Variants in ZNF786 observed in about 807,000 individuals in gnomAD.
ZNF786 encodes zinc finger protein 786.
In ZNF786, 56 loss-of-function variants were observed where a neutral mutation model predicts 63.1. The ratio of observed to expected loss-of-function variants is 0.89; its 90% CI spans 0.72 to 1.11. The LOEUF (loss-of-function observed/expected upper bound fraction) is 1.11, where lower values mean the gene tolerates loss of function less well. Ranked by LOEUF, ZNF786 falls within the 50% of genes least tolerant of loss-of-function variation. The pLI is 0.00. For synonymous variants in ZNF786, 485 were observed against 406.9 expected (o/e 1.19, Z -2.31); for missense variants, 1,213 against 1,041.8 (o/e 1.16, Z -2.26).
Position 149,072,095 on chromosome 7 carries a change from T to TCCTAATAA in ZNF786, c.676_677insTTATTAGG (p.Glu226ValfsTer59), listed in dbSNP as rs1216394535. ...AGGGCTGCTCCACGGCATCTGCGTC[T>TCCTAATAA]CCGCCCTCTTGTTGAATTTCTCCCA... On this transcript the variant is annotated frameshift_variant, in exon 4 of 4. Coordinates refer to ENST00000491431, the MANE Select transcript of ZNF786 (RefSeq NM_152411.4). LOFTEE classifies it high-confidence loss of function. The TCCTAATAA allele has an allele frequency of 6.2e-7, 1 of 1,613,198 alleles. No individual in the cohort carries two copies. Among genetic ancestry groups the TCCTAATAA allele is most frequent in the Non-Finnish European group, 8.5e-7 (1 of 1,179,680 alleles).
chr7:149,081,071 G>T, intron 1 of ZNF786: 2 of 455,428 alleles, frequency 4.4e-6, no homozygotes, highest in Admixed American at 2.5e-5. Context: ...CATTTTTTTG[G>T]TAAAGTCGCA....
chr7:149,080,651 A>G lies in ZNF786; in HGVS notation c.85T>C (p.Trp29Arg). 6.2e-7 allele frequency: 1 copy of G among 1,613,012 alleles called. No homozygotes were observed. The change falls in exon 2 of 4, where the codon TGG becomes CGG. Residue 29 changes from tryptophan (W) to arginine (R), a missense_variant. By Grantham distance (101) the Trp-to-Arg change is moderately radical (BLOSUM62 -3). Coordinates refer to ENST00000491431, the MANE Select transcript of ZNF786 (RefSeq NM_152411.4). The stretch of plus-strand genomic sequence containing the variant: ...ACATGCTTGTAAAGTTCCTTCTGCC[A>G]TGCCTCTAGATCCTGCCATTCTTGC... Reference protein sequence around the residue: ...SEQEWQDLEAWQKELYKHVMR... With the variant: ...SEQEWQDLEARQKELYKHVMR...
chr7:149,080,623 A>T lies in ZNF786; in HGVS notation c.113T>A (p.Met38Lys). Residue 38 changes from methionine to lysine, a missense_variant, in exon 2 of 4, where the codon ATG (methionine) becomes AAG (lysine). Coordinates refer to ENST00000491431, the MANE Select transcript of ZNF786 (RefSeq NM_152411.4). ...AWQKELYKHV[M>K]RSNYETLVSL... ...GACGAGAGTCTCATAATTGCTTCTC[A>T]TCACATGCTTGTAAAGTTCCTTCTG... The T allele has an allele frequency of 6.2e-7, 1 of 1,612,194 alleles. No homozygotes were observed. The highest frequency in any genetic ancestry group is 1.7e-5 in the Admixed American group (1 of 59,414).
rs1374762090 is a variant in ZNF786, at chr7:149,069,658, T to C, written c.*765A>G. The stretch of plus-strand genomic sequence containing the variant: ...TTTTTTTTGAGACAGTGTCATACTA[T>C]GTCATCCATACTGGAGTGCAGTGGC... On this transcript the variant is annotated 3_prime_UTR_variant, in exon 4 of 4. Coordinates refer to ENST00000491431, the MANE Select transcript of ZNF786 (RefSeq NM_152411.4). 1 of 143,134 alleles carries C rather than the reference T, an allele frequency of 7.0e-6. No individual in the cohort carries two copies. The highest frequency in any genetic ancestry group is 2.6e-5 in the African/African-American group (1 of 38,374). The allele number at this position is 143,134 out of a possible 1,614,324, so 8.9% of individuals were successfully genotyped here.
At position 149,071,768 on chromosome 7, in the gene ZNF786, C is replaced by G; in HGVS notation, c.1004G>C (p.Ser335Thr). The change falls in exon 4 of 4, where the codon AGT becomes ACT. Residue 335 changes from serine (S) to threonine (T), a missense_variant. Coordinates refer to ENST00000491431, the MANE Select transcript of ZNF786 (RefSeq NM_152411.4). ...GCCTGGTTTCTGTCCCGAGTGCACA[C>G]TGCTGGAGGCCCCGCGGCCTTCTCT... ...SWREGRGASS[S>T]VHSGQKPGSR... is the part of the protein sequence containing the mutation. 1 of 1,583,594 alleles carries G rather than the reference C, an allele frequency of 6.3e-7. No homozygotes were observed. The highest frequency in any genetic ancestry group is 8.5e-7 in the Non-Finnish European group (1 of 1,170,558).
Position 149,072,290 on chromosome 7 carries a change from AGG to A in ZNF786, c.480_481del (p.Leu161LysfsTer55). Reference sequence around the variant, plus strand: ...TCTGGGACCTGGGATTCCTTCTTTTAGGGTAGATTCACTGGGGCCGCAGGCTA... The same window carrying A: ...TCTGGGACCTGGGATTCCTTCTTTTAGTAGATTCACTGGGGCCGCAGGCTA... On this transcript the variant is annotated frameshift_variant, in exon 4 of 4. Transcript: ENST00000491431. LOFTEE classifies it high-confidence loss of function. The A allele has an allele frequency of 6.2e-7, 1 of 1,613,614 alleles. No individual in the cohort carries two copies. The highest frequency in any genetic ancestry group is 8.5e-7 in the Non-Finnish European group (1 of 1,179,778).
Position 149,071,037 on chromosome 7 carries a change from T to G in ZNF786, c.1735A>C (p.Lys579Gln). The G allele has an allele frequency of 6.2e-7, 1 of 1,612,124 alleles. No homozygotes were observed. Among genetic ancestry groups the G allele is most frequent in the Non-Finnish European group, 8.5e-7 (1 of 1,179,736 alleles). The change falls in exon 4 of 4, where the codon AAG becomes CAG. Residue 579 changes from lysine (K) to glutamine (Q), a missense_variant. Physicochemically the swap from Lys to Gln is moderately conservative, Grantham distance 53 (BLOSUM62 1). Coordinates refer to ENST00000491431, the MANE Select transcript of ZNF786 (RefSeq NM_152411.4). ...ECGKGFTRQS[K>Q]LTEHLRVHSG... ...TGCACGCGCAAGTGCTCCGTGAGCTTGGATTGTCTGGTGAAGCCCTTGCCA... is the reference window on the plus strand; with the variant it reads ...TGCACGCGCAAGTGCTCCGTGAGCTGGGATTGTCTGGTGAAGCCCTTGCCA...
chr7:149,075,001 C>T (rs891769185), intron 2 of ZNF786, among the ~76,000 whole-genome samples: 2 of 151,682 alleles, frequency 1.3e-5, no homozygotes, highest in African/African-American at 2.4e-5. Flanking sequence ...AGCTAATTTT[C>T]GCATTTTTAG....
In ZNF786 at chr7:149,072,106, G is replaced by A. The variant is rs1380435864; in HGVS notation, c.666C>T (p.Asn222=). 1.2e-6 allele frequency: 2 copies of A among 1,613,120 alleles called. No individual in the cohort carries two copies. The highest frequency in any genetic ancestry group is 1.7e-5 in the Admixed American group (1 of 59,860). Residue 222 remains asparagine (N), a synonymous_variant, in exon 4 of 4, where the codon AAC becomes AAT. Transcript: ENST00000491431. ...ACGGCATCTGCGTCTCCGCCCTCTT[G>A]TTGAATTTCTCCCAGGCCCTACGTG... ...DRTRRAWEKF[N]KRAETQMPWS... is the part of the protein sequence containing the mutation.
At chr7:149,081,988 A>C (rs1190745160) in intron 1 of ZNF786, among the ~76,000 whole-genome samples, 1 of 152,196 alleles carries the variant, frequency 6.6e-6, no homozygotes, top group South Asian at 2.1e-4. Context: ...TCAAGAACTC[A>C]GTACCTTTTA....
chr7:149,082,565 T>C, intron 1 of ZNF786: 1 of 877,468 alleles, frequency 1.1e-6, no homozygotes, highest in Non-Finnish European at 1.4e-6. Context: ...GGTATTAAAG[T>C]TTATCTTGTT....
intron 1 of ZNF786, among the ~76,000 whole-genome samples, chr7:149,089,581 T>G (rs1825796963): frequency 6.6e-6 from 1 of 152,096 alleles, no homozygotes; most frequent in African/African-American, 2.4e-5. Flanking sequence ...CCTCTCAAAG[T>G]GCTGGGATTA....
chr7:149,082,139 A>C (rs1334001862), intron 1 of ZNF786, among the ~76,000 whole-genome samples: 1 of 152,032 alleles, frequency 6.6e-6, no homozygotes, highest in Non-Finnish European at 1.5e-5. Context: ...ATGGGGGCGG[A>C]CTTCCTCCTT....
intron 1 of ZNF786, among the ~76,000 whole-genome samples, chr7:149,085,149 A>G (rs1448023440): frequency 6.6e-6 from 1 of 152,084 alleles, no homozygotes; most frequent in Non-Finnish European, 1.5e-5. Flanking sequence ...CCATTGGTCT[A>G]TATGTCTGTT....
chr7:149,090,506 T>TG lies in ZNF786; in HGVS notation c.18+116_18+117insC. The TG allele has an allele frequency of 2.5e-6, 3 of 1,184,370 alleles. No homozygotes were observed. In the South Asian group the frequency reaches 7.3e-5, roughly 29 times the overall value. The allele number at this position is 1,184,370 out of a possible 1,614,324, so 73.4% of individuals were successfully genotyped here. A position where few individuals can be genotyped will look rare whatever the true frequency, so the allele number is the denominator to read the frequency against. On this transcript the variant is annotated intron_variant, in intron 1 of 3. Coordinates refer to ENST00000491431, the MANE Select transcript of ZNF786 (RefSeq NM_152411.4). ...TCCCCAGCAGAAGCAGCCTGCAGAC[T>TG]CCGTCCTACCCGTGCACCGCGCGCA... is the stretch of plus-strand genomic sequence containing the variant.
chr7:149,076,201 G>A (rs1825545823), intron 2 of ZNF786, among the ~76,000 whole-genome samples: 1 of 151,720 alleles, frequency 6.6e-6, no homozygotes, highest in South Asian at 2.1e-4. Context: ...CGCAGCCTCC[G>A]CCTCCCAGGT....
At position 149,071,655 on chromosome 7, in the gene ZNF786, C is replaced by G. The variant is rs1272635307; in HGVS notation, c.1117G>C (p.Glu373Gln). 12 of 1,570,296 alleles carry G rather than the reference C, an allele frequency of 7.6e-6. No individual in the cohort carries two copies. Among genetic ancestry groups the G allele is most frequent in the Non-Finnish European group, 1.0e-5 (12 of 1,163,294 alleles). The change falls in exon 4 of 4, where the codon GAG (glutamate) becomes CAG (glutamine). Residue 373 changes from glutamate to glutamine, a missense_variant. Glu to Gln is a conservative substitution (Grantham distance 29). Transcript: ENST00000491431. ...HGAEGPCSCS[E>Q]CGERSPMSAR... The stretch of plus-strand genomic sequence containing the variant: ...CTCATAGGGGAGCGCTCGCCACACT[C>G]CGAGCAGGAGCAGGGCCCCTCTGCG...
rs200037088 is a variant in ZNF786 at position 149,074,396 on chromosome 7, C to T, written c.288G>A (p.Gln96=). The T allele has an allele frequency of 3.6e-5, 58 of 1,613,794 alleles. No homozygotes were observed. Among genetic ancestry groups the T allele is most frequent in the Non-Finnish European group, 4.7e-5 (56 of 1,179,790 alleles). Residue 96 remains glutamine, a synonymous_variant, in exon 3 of 4, where the codon CAG becomes CAA. Transcript: ENST00000491431. ...DMHFDPGFEE[Q]LFWGSQQAMN... ...TTTCTTAATACTCACCCCAAAACAG[C>T]TGTTCCTCAAAACCTGGATCAAAAT...
chr7:149,090,260 G>A (rs759612819), intron 1 of ZNF786, among the ~76,000 whole-genome samples: 1 of 152,176 alleles, frequency 6.6e-6, no homozygotes, highest in Non-Finnish European at 1.5e-5. Context: ...TCTGATTTCG[G>A]TGACTATGAT....
Sources: allele counts gnomAD v4.1 joint callset (sites outside exome capture counted in the v4.1 genomes callset), GRCh38; gene constraint gnomAD v4.1.1; transcripts MANE v1.5; gene names NCBI Gene and HGNC (gene_info 2026-07-23, HGNC 2026-07-21).